The following EPHA6 variants were observed in gnomAD, a reference collection of about 807,000 sequenced individuals.
The protein encoded by EPHA6 is ephrin type-A receptor 6.
A neutral mutation model predicts 112.0 loss-of-function variants in EPHA6; 50 were observed. The ratio of observed to expected loss-of-function variants is 0.45; its 90% CI spans 0.36 to 0.56. The LOEUF (loss-of-function observed/expected upper bound fraction) is 0.56. Ranked by LOEUF, EPHA6 falls within the 20% of genes least tolerant of loss-of-function variation. The pLI is 0.00. For missense variants in EPHA6, 1,280 were observed against 1,417.4 expected (o/e 0.90, Z 1.56); for synonymous variants, 529 against 490.7 (o/e 1.08, Z -1.03).
chr3:96,902,364 A>G (rs1470685304), intron 2 of EPHA6, among the ~76,000 whole-genome samples: 1 of 152,098 alleles, frequency 6.6e-6, no homozygotes, highest in Non-Finnish European at 1.5e-5. Context: ...TAAAAGGGGG[A>G]GAGACTATAT....
chr3:97,168,869 A>G (rs2108420246), intron 3 of EPHA6, among the ~76,000 whole-genome samples: 1 of 152,266 alleles, frequency 6.6e-6, no homozygotes, highest in Middle Eastern at 3.4e-3. Context: ...GAAAATATGG[A>G]AGCAACTTCG....
chr3:97,078,117 T>A (rs914737812), intron 3 of EPHA6, among the ~76,000 whole-genome samples: 1 of 152,174 alleles, frequency 6.6e-6, no homozygotes, highest in Non-Finnish European at 1.5e-5. Flanking sequence ...CTCATTGTGG[T>A]TTTGATTTGC....
chr3:97,615,235 A>T (rs1001648224), intron 13 of EPHA6, among the ~76,000 whole-genome samples: 3 of 151,816 alleles, frequency 2.0e-5, no homozygotes, highest in Non-Finnish European at 4.4e-5. Flanking sequence ...GATTTTTGCA[A>T]CTCTTGGGTC....
intron 5 of EPHA6, among the ~76,000 whole-genome samples, chr3:97,322,355 G>A (rs2082160710): frequency 6.6e-6 from 1 of 151,862 alleles, no homozygotes; most frequent in South Asian, 2.1e-4. Context: ...TTTATGGAAG[G>A]CAAACTCAGA....
chr3:96,847,437 A>T (rs2035134613), intron 1 of EPHA6, among the ~76,000 whole-genome samples: 1 of 152,066 alleles, frequency 6.6e-6, no homozygotes, highest in African/African-American at 2.4e-5. Context: ...GAGAACTCTA[A>T]GGAATCCCCT....
At chr3:97,625,790 G>A (rs569715482) in intron 13 of EPHA6, among the ~76,000 whole-genome samples, 1 of 151,748 alleles carries the variant, frequency 6.6e-6, no homozygotes, top group African/African-American at 2.4e-5. Flanking sequence ...AAAAGAAGAA[G>A]GGACCATTTA....
intron 1 of EPHA6, among the ~76,000 whole-genome samples, chr3:96,847,156 AT>A (rs1412340088): frequency 1.2e-4 from 18 of 151,834 alleles, no homozygotes; most frequent in Non-Finnish European, 1.5e-4. Context: ...TTTTGCTTCA[AT>A]TTTTTTTATA....
intron 2 of EPHA6, among the ~76,000 whole-genome samples, chr3:96,879,229 C>A (rs9840304): frequency 6.6e-6 from 1 of 152,004 alleles, no homozygotes; most frequent in East Asian, 1.9e-4. Flanking sequence ...TGTTTATAAA[C>A]GTAATTTGGA....
At chr3:97,675,989 T>A (rs369728048) in intron 14 of EPHA6, among the ~76,000 whole-genome samples, 1 of 152,146 alleles carries the variant, frequency 6.6e-6, no homozygotes, top group South Asian at 2.1e-4. Context: ...TCCTGGGCAA[T>A]CTGAAATGGA....
intron 7 of EPHA6, among the ~76,000 whole-genome samples, chr3:97,456,518 A>G (rs1021241735): frequency 3.9e-5 from 6 of 152,172 alleles, no homozygotes; most frequent in Admixed American, 2.0e-4. Flanking sequence ...CAATAAATAC[A>G]CAATACTCAG....
At chr3:97,078,401 A>G (rs1267975065) in intron 3 of EPHA6, among the ~76,000 whole-genome samples, 4 of 152,120 alleles carry the variant, frequency 2.6e-5, no homozygotes, top group Non-Finnish European at 4.4e-5. Flanking sequence ...TTGTTTAATT[A>G]GATCCCATTT....
chr3:97,482,384 A>G lies in EPHA6; in HGVS notation c.2075-1550A>G, dbSNP rs142196345. Among the ~76,000 whole-genome samples, 72 of 152,338 alleles carry G rather than the reference A, an allele frequency of 4.7e-4. 1 individual carries two copies. The East Asian group carries it at 0.013, about 29-fold the overall frequency. On this transcript the variant is annotated intron_variant, in intron 9 of 17. Transcript: ENST00000389672. ...AATTCTACTAAGTTGTTATGAAAAT[A>G]TCATATGGAATATAAAATAGAGGTA...
intron 12 of EPHA6, among the ~76,000 whole-genome samples, chr3:97,606,886 G>A (rs926603149): frequency 2.0e-5 from 3 of 150,492 alleles, no homozygotes; most frequent in Non-Finnish European, 4.5e-5. Context: ...TTGCAACTGG[G>A]GGAAAAAAAT....
At chr3:97,481,433 T>C in intron 9 of EPHA6, 2 of 1,399,592 alleles carry the variant, frequency 1.4e-6, no homozygotes, top group Non-Finnish European at 2.0e-6. Flanking sequence ...TCCAAAATAA[T>C]ACAGGCTTTC....
chr3:97,288,836 A>T (rs1399172793), intron 5 of EPHA6, among the ~76,000 whole-genome samples: 1 of 150,982 alleles, frequency 6.6e-6, no homozygotes, highest in Non-Finnish European at 1.5e-5. Context: ...ACTGATGTTG[A>T]GCACTTTTTC....
chr3:97,094,787 AC>A (rs1364362467), intron 3 of EPHA6, among the ~76,000 whole-genome samples: 15 of 152,106 alleles, frequency 9.9e-5, no homozygotes, highest in African/African-American at 3.6e-4. Flanking sequence ...CTGCAGGAAA[AC>A]AATACTTTGG....
chr3:97,590,865 A>G (rs543684650), intron 11 of EPHA6, among the ~76,000 whole-genome samples: 58 of 152,346 alleles, frequency 3.8e-4, no homozygotes, highest in African/African-American at 1.3e-3. Context: ...CTTCATTACA[A>G]GTGTTATCTC....
intron 5 of EPHA6, among the ~76,000 whole-genome samples, chr3:97,353,933 G>C (rs1385896802): frequency 6.6e-6 from 1 of 152,180 alleles, no homozygotes; most frequent in African/African-American, 2.4e-5. Flanking sequence ...CTCAGAGAGA[G>C]AGATTCCATT....
chr3:97,014,555 C>A (rs1417151451), intron 3 of EPHA6, among the ~76,000 whole-genome samples: 1 of 151,998 alleles, frequency 6.6e-6, no homozygotes, highest in Non-Finnish European at 1.5e-5. Context: ...CATTAAAGTT[C>A]TTTCTGTATA....
Sources: allele counts gnomAD v4.1 joint callset (sites outside exome capture counted in the v4.1 genomes callset), GRCh38; gene constraint gnomAD v4.1.1; transcripts MANE v1.5; gene names NCBI Gene and HGNC (gene_info 2026-07-23, HGNC 2026-07-21).